Variants in SCN9A observed in about 807,000 individuals in gnomAD.
SCN9A encodes sodium voltage-gated channel alpha subunit 9, also known as sodium channel protein type 9 subunit alpha.
Under a neutral mutation model 187.0 loss-of-function variants are expected in SCN9A, and 131 were observed. The ratio of observed to expected loss-of-function variants is 0.70; its 90% CI spans 0.61 to 0.81. The LOEUF (loss-of-function observed/expected upper bound fraction) is 0.81, where lower values mean the gene tolerates loss of function less well. Among genes scored for constraint, SCN9A ranks in the 30% least tolerant of loss-of-function variants. SCN9A has a pLI of 0.00. For missense variants in SCN9A, 2,252 were observed against 2,396.6 expected (o/e 0.94, Z 1.26); for synonymous variants, 809 against 808.6 (o/e 1.00, Z -0.01).
intron 17 of SCN9A, among the ~76,000 whole-genome samples, chr2:166,255,501 A>T (rs1203194617): frequency 6.6e-6 from 1 of 151,114 alleles, no homozygotes; most frequent in Non-Finnish European, 1.5e-5. Context: ...TATTGTTCCA[A>T]GAGGTGTGAG....
At chr2:166,352,936 T>C (rs1700073148) in intron 1 of SCN9A, among the ~76,000 whole-genome samples, 1 of 152,210 alleles carries the variant, frequency 6.6e-6, no homozygotes, top group African/African-American at 2.4e-5. Context: ...TGTTTGAAGT[T>C]GTTCAAATAA....
rs201560403 is a variant in SCN9A at position 166,277,124 on chromosome 2, G to A, written c.2733C>T (p.Asn911=). 41 of 1,613,974 alleles carry A rather than the reference G, an allele frequency of 2.5e-5. No homozygotes were observed. In the Admixed American group the frequency reaches 4.5e-4, roughly 18 times the overall value. Residue 911 remains asparagine, a synonymous_variant, in exon 16 of 27, where the codon AAC becomes AAT. Transcript: ENST00000642356. The stretch of plus-strand genomic sequence containing the variant: ...CAATCAGGAAGGAGTGGAAGAAGTC[G>A]TTCATGTGCCACCGTGGGAGCGTAC... The part of the protein sequence containing the change: ...DDCTLPRWHM[N]DFFHSFLIVF...
chr2:166,344,978 A>T (rs964555764), intron 1 of SCN9A, among the ~76,000 whole-genome samples: 5 of 152,142 alleles, frequency 3.3e-5, no homozygotes, highest in African/African-American at 1.2e-4. Context: ...GGAAGCTTTG[A>T]CTACATTTCA....
At chr2:166,296,508 G>T (rs1223902900) in intron 7 of SCN9A, among the ~76,000 whole-genome samples, 2 of 152,138 alleles carry the variant, frequency 1.3e-5, no homozygotes, top group Non-Finnish European at 2.9e-5. Context: ...TATGGGAGAG[G>T]ATAAGATGCA....
chr2:166,311,635 T>C lies in SCN9A; in HGVS notation c.122A>G (p.Asp41Gly), dbSNP rs368147111. Residue 41 changes from aspartate to glycine, a missense_variant, in exon 2 of 27, where the codon GAT becomes GGT. This residue lies in a region of SCN9A where 1,013 missense variants were observed against 997.4 expected (regional missense o/e 1.02). Coordinates refer to ENST00000642356, the MANE Select transcript of SCN9A (RefSeq NM_001365536.1). ...TGGCTTTGGGGCTTCTTCATCATCA[T>C]CTTTCTTTTCTTCTTTGGGTTCCTT... ...KSKEPKEEKK[D>G]DDEEAPKPSS... 6 of 1,613,386 alleles carry C rather than the reference T, an allele frequency of 3.7e-6. No individual in the cohort carries two copies. Among genetic ancestry groups the C allele is most frequent in the Non-Finnish European group, 5.1e-6 (6 of 1,179,792 alleles).
intron 13 of SCN9A, 74 bp downstream of exon 13, chr2:166,281,605 G>T: frequency 2.2e-6 from 3 of 1,355,104 alleles, no homozygotes; most frequent in Non-Finnish European, 3.1e-6. Context: ...AATTTCATGT[G>T]CCTATTTAAG....
chr2:166,235,615 C>T (rs1194416754), intron 20 of SCN9A, among the ~76,000 whole-genome samples: 6 of 151,744 alleles, frequency 4.0e-5, no homozygotes, highest in African/African-American at 7.3e-5. Flanking sequence ...CATGTGCCAA[C>T]GTTTTCAGTT....
At chr2:166,330,923 C>CTA (rs1699487849) in intron 1 of SCN9A, among the ~76,000 whole-genome samples, 1 of 152,106 alleles carries the variant, frequency 6.6e-6, no homozygotes, top group Non-Finnish European at 1.5e-5. Flanking sequence ...AACCCCTGAT[C>CTA]TAACCCACTG....
chr2:166,307,182 C>A, intron 2 of SCN9A, 108 bp from the exon 3 acceptor site: 2 of 632,310 alleles, frequency 3.2e-6, no homozygotes, highest in Non-Finnish European at 5.7e-6. Context: ...TGAAGAAACA[C>A]TGCCATCAGA....
At position 166,340,598 on chromosome 2, in the gene SCN9A, C is replaced by CTTTG. The variant is rs748754609; in HGVS notation, c.-50-28793_-50-28792insCAAA. ...TCTTTCTTTCTTTCTTTCTTTCTTT[C>CTTTG]TTTCTTTTTCTTTCTTTCTTTCCTT... On this transcript the variant is annotated intron_variant, in intron 1 of 26. Coordinates refer to ENST00000642356, the MANE Select transcript of SCN9A (RefSeq NM_001365536.1). Among the ~76,000 whole-genome samples, 162 of 53,020 alleles carry CTTTG rather than the reference C, an allele frequency of 3.1e-3. 3 individuals are homozygous for CTTTG. Among genetic ancestry groups the CTTTG allele is most frequent in the Non-Finnish European group, 4.1e-3 (124 of 30,212 alleles). 34.8% of individuals were successfully genotyped at this position (53,020 alleles called of 152,430 possible).
chr2:166,350,942 A>G (rs1310249386), intron 1 of SCN9A, among the ~76,000 whole-genome samples: 1 of 152,178 alleles, frequency 6.6e-6, no homozygotes, highest in Non-Finnish European at 1.5e-5. Flanking sequence ...TTTGACGGTG[A>G]CTTTTTTTAT....
In SCN9A at chr2:166,293,211, A is replaced by C. The variant is rs1489434969; in HGVS notation, c.1107+20T>G. Reference sequence around the variant, plus strand: ...CATATGCCATTCAAAAATACAATGCATGTTTCTCTTGGTACTCACCTGTTG... The same window carrying C: ...CATATGCCATTCAAAAATACAATGCCTGTTTCTCTTGGTACTCACCTGTTG... On this transcript the variant is annotated intron_variant, in intron 9 of 26. Coordinates refer to ENST00000642356, the MANE Select transcript of SCN9A (RefSeq NM_001365536.1). The C allele has an allele frequency of 1.9e-6, 3 of 1,568,910 alleles. No homozygotes were observed. Among genetic ancestry groups the C allele is most frequent in the Non-Finnish European group, 2.6e-6 (3 of 1,154,494 alleles).
rs905870481 is a variant in SCN9A at position 166,227,872 on chromosome 2, T to G, written c.4207-149A>C. 29 of 620,746 alleles carry G rather than the reference T, an allele frequency of 4.7e-5. No individual in the cohort carries two copies. In the African/African-American group the frequency reaches 5.3e-4, roughly 11 times the overall value. 38.5% of individuals were successfully genotyped at this position (620,746 alleles called of 1,614,324 possible). A position where few individuals can be genotyped will look rare whatever the true frequency, so the allele number is the denominator to read the frequency against. ...CAACATGTCCATTTAATGTAAAGAT[T>G]TTTTTAAAAAGGACATATTCCCAAG... is the stretch of plus-strand genomic sequence containing the variant. On this transcript the variant is annotated intron_variant, in intron 22 of 26. Transcript: ENST00000642356.
intron 1 of SCN9A, among the ~76,000 whole-genome samples, chr2:166,338,155 C>T (rs892048853): frequency 5.3e-5 from 8 of 152,058 alleles, no homozygotes; most frequent in Non-Finnish European, 1.2e-4. Context: ...TATGCAAATA[C>T]AAGGAGATGA....
chr2:166,245,799 T>A (rs1239269717), intron 18 of SCN9A, among the ~76,000 whole-genome samples: 1 of 152,034 alleles, frequency 6.6e-6, no homozygotes, highest in Non-Finnish European at 1.5e-5. Flanking sequence ...ATATAATTCA[T>A]TAACAAGTAT....
At chr2:166,364,761 C>A (rs1312421087) in intron 1 of SCN9A, among the ~76,000 whole-genome samples, 1 of 152,022 alleles carries the variant, frequency 6.6e-6, no homozygotes, top group Non-Finnish European at 1.5e-5. Flanking sequence ...TGGTGGTGAT[C>A]GTGTACAACA....
intron 1 of SCN9A, among the ~76,000 whole-genome samples, chr2:166,327,923 G>T (rs982299501): frequency 2.0e-5 from 3 of 152,154 alleles, no homozygotes; most frequent in Non-Finnish European, 4.4e-5. Context: ...CTAACAAGGT[G>T]CTAGGTACAC....
intron 1 of SCN9A, among the ~76,000 whole-genome samples, chr2:166,352,673 G>A (rs1344564094): frequency 1.3e-5 from 2 of 152,114 alleles, no homozygotes; most frequent in African/African-American, 4.8e-5. Context: ...AACATTGTGG[G>A]ATATTCTTCT....
intron 1 of SCN9A, among the ~76,000 whole-genome samples, chr2:166,337,808 G>A (rs534171106): frequency 2.0e-5 from 3 of 152,140 alleles, no homozygotes; most frequent in East Asian, 1.9e-4. Flanking sequence ...TTACTCATCG[G>A]TAAAATGAGT....
Sources: allele counts gnomAD v4.1 joint callset (sites outside exome capture counted in the v4.1 genomes callset), GRCh38; gene constraint gnomAD v4.1.1; regional missense constraint gnomAD v4.1.1; transcripts MANE v1.5; gene names NCBI Gene and HGNC (gene_info 2026-07-23, HGNC 2026-07-21).